GPHN: variants seen among roughly 807,000 people sequenced by gnomAD.
GPHN encodes the protein gephyrin.
GPHN carries 17 observed loss-of-function variants against 95.5 expected under a neutral mutation model. The ratio of observed to expected loss-of-function variants is 0.18; its 90% confidence interval spans 0.12 to 0.27. GPHN has a LOEUF of 0.27. Among genes scored for constraint, GPHN ranks in the 10% least tolerant of loss-of-function variants. The pLI is 1.00. For synonymous variants in GPHN, 320 were observed against 322.5 expected (o/e 0.99, Z 0.08); for missense variants, 660 against 978.1 (o/e 0.67, Z 4.34).
chr14:66,837,387 T>G (rs914641005), intron 4 of GPHN, among the ~76,000 whole-genome samples: 17 of 132,144 alleles, frequency 1.3e-4, no homozygotes, highest in African/African-American at 4.7e-4. Context: ...AGGTGGGAAT[T>G]GAACAATGAG....
intron 18 of GPHN, among the ~76,000 whole-genome samples, chr14:67,151,731 C>G (rs1481920707): frequency 6.6e-6 from 1 of 152,192 alleles, no homozygotes; most frequent in Non-Finnish European, 1.5e-5. Context: ...GCAACCTCCA[C>G]CTCCCGGGTT....
intron 18 of GPHN, among the ~76,000 whole-genome samples, chr14:67,149,859 A>G (rs1408544398): frequency 6.6e-6 from 1 of 152,188 alleles, no homozygotes; most frequent in African/African-American, 2.4e-5. Context: ...ACATTCATTA[A>G]CATGACCCAA....
intron 5 of GPHN, among the ~76,000 whole-genome samples, chr14:66,884,658 C>T (rs2064099138): frequency 6.6e-6 from 1 of 151,740 alleles, no homozygotes; most frequent in African/African-American, 2.4e-5. Context: ...TGGTTATACA[C>T]TGAAGAATGA....
At chr14:67,618,218 A>G in the GPHN span, among the ~76,000 whole-genome samples, 1 of 152,138 alleles carries the variant, frequency 6.6e-6, no homozygotes, top group Non-Finnish European at 1.5e-5. Context: ...GCCCCCACCC[A>G]TTCCTGGAGG....
intron 3 of GPHN, among the ~76,000 whole-genome samples, chr14:66,798,840 C>G (rs1426286704): frequency 6.7e-6 from 1 of 149,552 alleles, no homozygotes; most frequent in Non-Finnish European, 1.5e-5. Context: ...ATCTTTATTT[C>G]TTTTCTGCTA....
At chr14:67,175,604 A>G (rs1242761343) in intron 21 of GPHN, among the ~76,000 whole-genome samples, 2 of 152,042 alleles carry the variant, frequency 1.3e-5, no homozygotes, top group Non-Finnish European at 2.9e-5. Context: ...GTTTTTTCCA[A>G]TTTTGTGAAG....
Position 66,508,461 on chromosome 14 carries a change from C to A in GPHN, c.-67C>A. ...CGCGCTCTCCTCGGCGAGCGCGCTCCCGGCCCGCGCGCTCCGGGCTCCGGT... is the reference window on the plus strand; with the variant it reads ...CGCGCTCTCCTCGGCGAGCGCGCTCACGGCCCGCGCGCTCCGGGCTCCGGT... On this transcript the variant is annotated 5_prime_UTR_variant, in exon 1 of 23. Transcript: ENST00000478722. The A allele has an allele frequency of 6.8e-7, 1 of 1,475,666 alleles. No individual in the cohort carries two copies. The highest frequency in any genetic ancestry group is 9.5e-7 in the Non-Finnish European group (1 of 1,054,182). The allele number at this position is 1,475,666 out of a possible 1,614,324, so 91.4% of individuals were successfully genotyped here. A position where few individuals can be genotyped will look rare whatever the true frequency, so the allele number is the denominator to read the frequency against.
intron 1 of GPHN, among the ~76,000 whole-genome samples, chr14:66,618,260 T>C (rs2153308345): frequency 6.6e-6 from 1 of 152,296 alleles, no homozygotes; most frequent in South Asian, 2.1e-4. Flanking sequence ...TGGCTACTTT[T>C]ATTCATAAAA....
At chr14:67,464,690 C>T in the GPHN span, among the ~76,000 whole-genome samples, 3 of 152,240 alleles carry the variant, frequency 2.0e-5, no homozygotes, top group Admixed American at 2.0e-4. Context: ...TCTCTTCTGG[C>T]AGACCTTTTG....
chr14:67,547,798 AGG>A, the GPHN span, among the ~76,000 whole-genome samples: 1 of 134,730 alleles, frequency 7.4e-6, no homozygotes, highest in East Asian at 2.8e-4. Context: ...CATTCTAGTC[AGG>A]GAATAATCTG....
rs117991448 is a variant in GPHN, at chr14:66,640,195, C to T, written c.65-40912C>T. On this transcript the variant is annotated intron_variant, in intron 1 of 22. Coordinates refer to ENST00000478722, the MANE Select transcript of GPHN (RefSeq NM_020806.5). ...CAGCACTTTGGGAGGCTGAGACACG[C>T]GGATCACTTGAGGTCGTGAGTTCAA... Among the ~76,000 whole-genome samples the T allele has an allele frequency of 3.7e-3, 556 of 152,052 alleles. 5 individuals are homozygous for T. Among genetic ancestry groups the T allele is most frequent in the Non-Finnish European group, 6.7e-3 (455 of 67,966 alleles).
intron 9 of GPHN, among the ~76,000 whole-genome samples, chr14:67,007,809 G>T (rs2072703147): frequency 6.6e-6 from 1 of 152,106 alleles, no homozygotes; most frequent in Non-Finnish European, 1.5e-5. Flanking sequence ...AGAGTCATAT[G>T]TCCTGGTAGC....
At chr14:67,396,150 T>G in the GPHN span, among the ~76,000 whole-genome samples, 1 of 151,756 alleles carries the variant, frequency 6.6e-6, no homozygotes, top group African/African-American at 2.4e-5. Context: ...TTTGTTTTGT[T>G]TTTTGTTTTT....
chr14:67,451,510 G>C, the GPHN span, among the ~76,000 whole-genome samples: 1 of 152,358 alleles, frequency 6.6e-6, no homozygotes, highest in Middle Eastern at 3.4e-3. Context: ...GCATCAGTGT[G>C]ATCTGGATGT....
the GPHN span, chr14:67,333,134 G>A: frequency 3.0e-5 from 16 of 541,094 alleles, no homozygotes; most frequent in African/African-American, 7.7e-5. Flanking sequence ...GTTTGTGCAT[G>A]GCATCCTTTA....
chr14:67,695,591 A>G, the GPHN span: 4 of 1,580,286 alleles, frequency 2.5e-6, no homozygotes, highest in African/African-American at 5.4e-5. Context: ...CCGCCCCGCA[A>G]CAAGAATTCT....
chr14:67,290,958 T>C, the GPHN span, among the ~76,000 whole-genome samples: 2 of 152,152 alleles, frequency 1.3e-5, no homozygotes, highest in Non-Finnish European at 2.9e-5. Flanking sequence ...AGAAGTTAAA[T>C]AAAGTAGAAA....
At chr14:67,014,651 C>T (rs769985372) in intron 9 of GPHN, among the ~76,000 whole-genome samples, 5 of 152,018 alleles carry the variant, frequency 3.3e-5, no homozygotes, top group Non-Finnish European at 7.4e-5. Context: ...TACTGTATGA[C>T]CTAAAACCAG....
In GPHN at chr14:66,899,406, A is replaced by G. The variant is rs568507923; in HGVS notation, c.390-16597A>G. On this transcript the variant is annotated intron_variant, in intron 5 of 22. Transcript: ENST00000478722. The stretch of plus-strand genomic sequence containing the variant: ...TATGTTAGTTGTACATTTCTTATAA[A>G]AGCTCTTTTTCAAATTAAAGAAGTC... Among the ~76,000 whole-genome samples the G allele has an allele frequency of 6.6e-5, 10 of 151,974 alleles. No homozygotes were observed. In the East Asian group the frequency reaches 1.7e-3, roughly 26 times the overall value.
Sources: gnomAD v4.1 joint callset for allele counts (sites outside exome capture counted in the v4.1 genomes callset) on GRCh38, gnomAD v4.1.1 for gene constraint, MANE v1.5 for transcripts, NCBI Gene and HGNC (gene_info 2026-07-23, HGNC 2026-07-21) for gene names.